ARHGAP28: variants seen among roughly 807,000 people sequenced by gnomAD.
The protein encoded by ARHGAP28 is rho GTPase-activating protein 28.
Under a neutral mutation model 90.7 loss-of-function variants are expected in ARHGAP28, and 56 were observed. The observed-to-expected ratio is 0.62, with a 90% CI of 0.50 to 0.77. The LOEUF (loss-of-function observed/expected upper bound fraction) is 0.77. Among genes scored for constraint, ARHGAP28 ranks in the 30% least tolerant of loss-of-function variants. The pLI is 0.00. For synonymous variants in ARHGAP28, 308 were observed against 323.3 expected (o/e 0.95, Z 0.51); for missense variants, 869 against 900.9 (o/e 0.96, Z 0.45).
In ARHGAP28 at chr18:6,859,893, CTG is replaced by C. The variant is rs766887736; in HGVS notation, c.725_726del (p.Val242GlyfsTer4). On this transcript the variant is annotated frameshift_variant and splice_region_variant, in exon 5 of 18. Transcript: ENST00000383472. LOFTEE classifies it high-confidence loss of function. The stretch of plus-strand genomic sequence containing the variant: ...AGTTTTGCGGTTCCCAGGAGTGACT[CTG>C]TGGTAAGTCATCCATGTCAGCACAG... The C allele has an allele frequency of 1.9e-6, 3 of 1,613,832 alleles. No individual in the cohort carries two copies. Among genetic ancestry groups the C allele is most frequent in the African/African-American group, 2.7e-5 (2 of 74,922 alleles).
At chr18:6,812,020 A>G (rs1256289088) in intron 1 of ARHGAP28, among the ~76,000 whole-genome samples, 1 of 152,174 alleles carries the variant, frequency 6.6e-6, no homozygotes, top group Non-Finnish European at 1.5e-5. Context: ...GTCAATGAAT[A>G]CTTTTGCAGG....
intron 1 of ARHGAP28, among the ~76,000 whole-genome samples, chr18:6,798,118 C>G (rs771102006): frequency 6.6e-6 from 1 of 152,074 alleles, no homozygotes; most frequent in Non-Finnish European, 1.5e-5. Context: ...TAGTGTGGAA[C>G]AATTGGAGAT....
intron 17 of ARHGAP28, among the ~76,000 whole-genome samples, chr18:6,911,852 G>A: frequency 6.6e-6 from 1 of 151,662 alleles, no homozygotes; most frequent in East Asian, 1.9e-4. Flanking sequence ...ATACTTCACA[G>A]TCTTAAAGAA....
intron 4 of ARHGAP28, among the ~76,000 whole-genome samples, chr18:6,851,564 A>G (rs1461376561): frequency 6.6e-6 from 1 of 152,238 alleles, no homozygotes; most frequent in Admixed American, 6.5e-5. Context: ...CGTTCTACTC[A>G]TAAGTAATAT....
chr18:6,873,301 A>G, intron 7 of ARHGAP28, 108 bp from the exon 8 acceptor site: 2 of 935,678 alleles, frequency 2.1e-6, no homozygotes, highest in Non-Finnish European at 3.2e-6. Context: ...ATGTTTTCCA[A>G]AGAACACGTT....
Position 6,912,102 on chromosome 18 carries a change from A to T in ARHGAP28, c.2138A>T (p.Tyr713Phe). 1 of 1,609,192 alleles carries T rather than the reference A, an allele frequency of 6.2e-7. No homozygotes were observed. The change falls in exon 18 of 18, where the codon TAT becomes TTT. Residue 713 changes from tyrosine (Y) to phenylalanine (F), a missense_variant. Tyr to Phe is a conservative substitution (Grantham distance 22). Transcript: ENST00000383472. ...CCAGATGCTTATATATTGGATGTAT[A>T]TCGTATAAATCCTCAAGCAGAATGG... Reference protein sequence around the residue: ...LDPDAYILDVYRINPQAEWVI... With the variant: ...LDPDAYILDVFRINPQAEWVI...
intron 1 of ARHGAP28, among the ~76,000 whole-genome samples, chr18:6,741,110 A>G (rs2055973456): frequency 6.6e-6 from 1 of 152,154 alleles, no homozygotes; most frequent in Non-Finnish European, 1.5e-5. Context: ...TATCTTAGTG[A>G]GTGTAAGTTG....
intron 1 of ARHGAP28, among the ~76,000 whole-genome samples, chr18:6,761,899 C>G (rs2056162895): frequency 6.6e-6 from 1 of 152,152 alleles, no homozygotes. Context: ...TGTTGGCACA[C>G]TCTGTGGTTA....
intron 14 of ARHGAP28, among the ~76,000 whole-genome samples, chr18:6,892,119 T>G (rs532919714): frequency 1.3e-5 from 2 of 151,912 alleles, no homozygotes; most frequent in Non-Finnish European, 2.9e-5. Context: ...TTGTTTTAAT[T>G]GAGAAAAAAT....
At chr18:6,864,506 T>C (rs1166146557) in intron 5 of ARHGAP28, among the ~76,000 whole-genome samples, 2 of 152,242 alleles carry the variant, frequency 1.3e-5, no homozygotes, top group African/African-American at 2.4e-5. Flanking sequence ...ATTTATTGTG[T>C]GTGTACACAT....
intron 4 of ARHGAP28, among the ~76,000 whole-genome samples, chr18:6,853,498 G>A (rs577228817): frequency 2.7e-5 from 4 of 149,234 alleles, no homozygotes; most frequent in Admixed American, 2.0e-4. Context: ...TGGAGACAGA[G>A]TTTCACTCTT....
At chr18:6,898,452 C>T (rs763764615) in intron 16 of ARHGAP28, 10 of 1,597,512 alleles carry the variant, frequency 6.3e-6, no homozygotes, top group African/African-American at 1.3e-5. Context: ...GCACTGGCAG[C>T]GAGCTGCACT....
chr18:6,914,307 C>T lies in ARHGAP28; in HGVS notation c.*2153C>T. 1 of 152,122 alleles carries T rather than the reference C, an allele frequency of 6.6e-6. No homozygotes were observed. Among genetic ancestry groups the T allele is most frequent in the Non-Finnish European group, 1.5e-5 (1 of 68,014 alleles). 9.4% of individuals were successfully genotyped at this position (152,122 alleles called of 1,614,324 possible). ...TTAAATGGCAGGGACTTCGCTGAGTCAGTAAGTATAATCACTCTAGTTTAT... is the reference window on the plus strand; with the variant it reads ...TTAAATGGCAGGGACTTCGCTGAGTTAGTAAGTATAATCACTCTAGTTTAT... On this transcript the variant is annotated 3_prime_UTR_variant, in exon 18 of 18. Coordinates refer to ENST00000383472, the MANE Select transcript of ARHGAP28 (RefSeq NM_001366230.1).
At chr18:6,910,615 C>G (rs1459895687) in intron 17 of ARHGAP28, among the ~76,000 whole-genome samples, 1 of 151,970 alleles carries the variant, frequency 6.6e-6, no homozygotes, top group Non-Finnish European at 1.5e-5. Flanking sequence ...TTCCTCGCAC[C>G]CTCCCGAACA....
chr18:6,730,596 T>C (rs967205933), intron 1 of ARHGAP28, among the ~76,000 whole-genome samples: 1 of 152,192 alleles, frequency 6.6e-6, no homozygotes, highest in African/African-American at 2.4e-5. Context: ...ATCCTGTACA[T>C]TTCAGATTTA....
intron 10 of ARHGAP28, among the ~76,000 whole-genome samples, chr18:6,880,330 C>T (rs2057167561): frequency 6.6e-6 from 1 of 152,180 alleles, no homozygotes; most frequent in Non-Finnish European, 1.5e-5. Context: ...TTCTATCCTA[C>T]AACTGTTTAT....
intron 13 of ARHGAP28, 103 bp from the exon 14 acceptor site, chr18:6,890,327 G>T: frequency 1.3e-6 from 1 of 792,912 alleles, no homozygotes; most frequent in South Asian, 1.8e-5. Flanking sequence ...CCTGGCTCCA[G>T]GATACCGAGT....
chr18:6,735,857 C>T (rs1483425410), intron 1 of ARHGAP28, among the ~76,000 whole-genome samples: 2 of 152,068 alleles, frequency 1.3e-5, no homozygotes, highest in Non-Finnish European at 2.9e-5. Context: ...CCTGACCAAG[C>T]TTATGCATTT....
intron 1 of ARHGAP28, among the ~76,000 whole-genome samples, chr18:6,809,526 C>T (rs984317610): frequency 8.5e-5 from 13 of 152,064 alleles, no homozygotes; most frequent in Admixed American, 3.9e-4. Context: ...CCTCATGAAA[C>T]TTACAATCAG....
Sources: allele counts gnomAD v4.1 joint callset (sites outside exome capture counted in the v4.1 genomes callset), GRCh38; gene constraint gnomAD v4.1.1; transcripts MANE v1.5; gene names NCBI Gene and HGNC (gene_info 2026-07-23, HGNC 2026-07-21).